EZR: variants seen among roughly 807,000 people sequenced by gnomAD.
EZR encodes the protein ezrin.
EZR carries 40 observed loss-of-function variants against 74.8 expected under a neutral mutation model. The observed-to-expected ratio is 0.53, with a 90% CI of 0.42 to 0.70. The LOEUF is 0.70. Ranked by LOEUF, EZR falls within the 30% of genes least tolerant of loss-of-function variation. The pLI is 0.00. For synonymous variants in EZR, 341 were observed against 283.3 expected, an observed-to-expected ratio of 1.20 and a Z score of -2.05; for missense variants, 678 against 755.8, an observed-to-expected ratio of 0.90 and a Z score of 1.21.
rs537018241 is a variant in EZR at position 158,792,317 on chromosome 6, T to C, written c.13-2946A>G. Among the ~76,000 whole-genome samples the C allele has an allele frequency of 2.0e-5, 3 of 152,104 alleles. No homozygotes were observed. In the East Asian group the frequency reaches 5.8e-4, roughly 30 times the overall value. On this transcript the variant is annotated intron_variant, in intron 2 of 13. Coordinates refer to ENST00000367075, the MANE Select transcript of EZR (RefSeq NM_001111077.2). ...ACCTCTGCCTCCTGGGTTCAAACGA[T>C]TCTCCTGCCTCGGCCTCCCAAGCAG...
intron 2 of EZR, among the ~76,000 whole-genome samples, chr6:158,794,562 ACAC>A (rs1163720787): frequency 3.3e-5 from 5 of 152,158 alleles, no homozygotes; most frequent in African/African-American, 1.2e-4. Context: ...GGGCTTAAAC[ACAC>A]CACCACACAT....
chr6:158,818,029 C>T, intron 2 of EZR, 53 bp downstream of exon 2: 1 of 1,586,072 alleles, frequency 6.3e-7, no homozygotes. Context: ...AGGTGCCTCC[C>T]CTCTCCAATG....
chr6:158,816,150 T>G (rs966115571), intron 2 of EZR, among the ~76,000 whole-genome samples: 2 of 152,106 alleles, frequency 1.3e-5, no homozygotes, highest in Admixed American at 1.3e-4. Context: ...GAAAGTAGAA[T>G]GGTGGTTGCC....
At chr6:158,813,699 T>C (rs900003782) in intron 2 of EZR, among the ~76,000 whole-genome samples, 10 of 152,346 alleles carry the variant, frequency 6.6e-5, no homozygotes, top group Middle Eastern at 3.4e-3. Flanking sequence ...AGAAATTACC[T>C]TAAAATTTTG....
At chr6:158,811,860 G>C (rs1184184922) in intron 2 of EZR, among the ~76,000 whole-genome samples, 2 of 140,142 alleles carry the variant, frequency 1.4e-5, no homozygotes, top group African/African-American at 5.4e-5. Flanking sequence ...GGGTGACAGA[G>C]TGAGACCCTG....
chr6:158,818,450 G>A (rs1193048074), intron 1 of EZR, among the ~76,000 whole-genome samples: 1 of 151,502 alleles, frequency 6.6e-6, no homozygotes, highest in Non-Finnish European at 1.5e-5. Context: ...TCCGAGGAGA[G>A]GGGGTGCGCA....
intron 2 of EZR, among the ~76,000 whole-genome samples, chr6:158,817,500 C>T (rs1487798928): frequency 6.6e-6 from 1 of 152,252 alleles, no homozygotes; most frequent in Non-Finnish European, 1.5e-5. Flanking sequence ...AAGTCCATGG[C>T]TAACCTTCTG....
rs571997978 is a variant in EZR, at chr6:158,767,962, C to G, written c.1345-450G>C. Among the ~76,000 whole-genome samples the G allele has an allele frequency of 7.0e-4, 106 of 152,058 alleles. 1 individual carries two copies. In the Middle Eastern group the frequency reaches 0.01, roughly 15 times the overall value. ...CCCTAGAGTTGAGCTTAGTGTGGATCTGCTTTGTAGCCAGCTCTCCTCACT... is the reference window on the plus strand; with the variant it reads ...CCCTAGAGTTGAGCTTAGTGTGGATGTGCTTTGTAGCCAGCTCTCCTCACT... On this transcript the variant is annotated intron_variant, in intron 12 of 13. Transcript: ENST00000367075.
At chr6:158,807,003 G>C (rs1286553595) in intron 2 of EZR, among the ~76,000 whole-genome samples, 1 of 152,112 alleles carries the variant, frequency 6.6e-6, no homozygotes, top group Non-Finnish European at 1.5e-5. Context: ...GTGACCTGTG[G>C]TTCAATTTTC....
intron 2 of EZR, among the ~76,000 whole-genome samples, chr6:158,810,859 C>T (rs981468923): frequency 2.6e-5 from 4 of 152,154 alleles, no homozygotes; most frequent in East Asian, 1.9e-4. Context: ...ACTTTGTCTC[C>T]GTTTATCTTA....
rs113809136 is a variant in EZR, at chr6:158,818,655, A to G, written c.-73-489T>C. 5.6e-3 allele frequency among the ~76,000 whole-genome samples: 767 copies of G among 136,664 alleles called. 4 individuals are homozygous for G. The highest frequency in any genetic ancestry group is 0.02 in the African/African-American group (728 of 35,724). The allele number at this position is 136,664 out of a possible 152,430, so 89.7% of individuals were successfully genotyped here. On this transcript the variant is annotated intron_variant, in intron 1 of 13. Coordinates refer to ENST00000367075, the MANE Select transcript of EZR (RefSeq NM_001111077.2). ...GGGACACTCGAGGTGCACCCAGCGG[A>G]GAGAGGCGGAGAAGAGGGGGCGCGG...
chr6:158,769,741 G>T (rs763271509), intron 11 of EZR, 43 bp downstream of exon 11: 4 of 1,605,820 alleles, frequency 2.5e-6, no homozygotes, highest in Non-Finnish European at 3.4e-6. Context: ...CTCAGAAGCA[G>T]CCTCTCTATA....
At chr6:158,793,201 C>CT (rs1791788842) in intron 2 of EZR, among the ~76,000 whole-genome samples, 1 of 137,970 alleles carries the variant, frequency 7.2e-6, no homozygotes, top group African/African-American at 2.7e-5. Context: ...TATGATCGAG[C>CT]CACTGCACTC....
intron 8 of EZR, among the ~76,000 whole-genome samples, chr6:158,771,791 G>C (rs139002308): frequency 6.6e-6 from 1 of 152,298 alleles, no homozygotes; most frequent in Non-Finnish European, 1.5e-5. Context: ...TCAAGTCTCA[G>C]AGCTGCCTGC....
intron 8 of EZR, among the ~76,000 whole-genome samples, chr6:158,774,424 T>C (rs192164140): frequency 8.6e-4 from 131 of 152,246 alleles, no homozygotes; most frequent in Middle Eastern, 6.8e-3. Flanking sequence ...AGTTGCCTTT[T>C]TAACCCTTTC....
chr6:158,814,525 C>T (rs996070533), intron 2 of EZR, among the ~76,000 whole-genome samples: 7 of 150,322 alleles, frequency 4.7e-5, no homozygotes, highest in South Asian at 2.1e-4. Flanking sequence ...CAGGTCACTC[C>T]GCTTGCTGAT....
rs777149944 is a variant in EZR at position 158,782,831 on chromosome 6, G to A, written c.698+689C>T. 2.8e-4 allele frequency among the ~76,000 whole-genome samples: 42 copies of A among 152,198 alleles called. 1 individual carries two copies. Among genetic ancestry groups the A allele is most frequent in the Non-Finnish European group, 1.9e-4 (13 of 68,032 alleles). On this transcript the variant is annotated intron_variant, in intron 7 of 13. Coordinates refer to ENST00000367075, the MANE Select transcript of EZR (RefSeq NM_001111077.2). ...ATCCAGAATCTAGGATTATGCTGAT[G>A]TCGCAGACTCACCATGGGAAACTTG...
At chr6:158,794,826 T>C (rs2128572568) in intron 2 of EZR, among the ~76,000 whole-genome samples, 2 of 152,282 alleles carry the variant, frequency 1.3e-5, no homozygotes, top group Admixed American at 1.3e-4. Context: ...GGGGTGTTGG[T>C]GGTGATTTAA....
rs752742676 is a variant in EZR, at chr6:158,789,326, T to C, written c.58A>G (p.Ile20Val). 2.6e-5 allele frequency: 42 copies of C among 1,614,096 alleles called. No individual in the cohort carries two copies. The highest frequency in any genetic ancestry group is 3.5e-5 in the Non-Finnish European group (41 of 1,180,036). ...TGTTTTCCAGTTGTATTTGGCTGGA[T>C]TGCAAACTCCAGCTCTGCATCCATG... ...TTMDAELEFAIQPNTTGKQLF... is the reference protein window; with the variant it reads ...TTMDAELEFAVQPNTTGKQLF... The change falls in exon 3 of 14, where the codon ATC becomes GTC. Residue 20 changes from isoleucine (I) to valine (V), a missense_variant. Physicochemically the swap from Ile to Val is conservative, Grantham distance 29. Transcript: ENST00000367075.
Sources: allele counts gnomAD v4.1 joint callset (sites outside exome capture counted in the v4.1 genomes callset), GRCh38; gene constraint gnomAD v4.1.1; transcripts MANE v1.5; gene names NCBI Gene and HGNC (gene_info 2026-07-23, HGNC 2026-07-21).